DDX56: variants seen among roughly 807,000 people sequenced by gnomAD.
The protein encoded by DDX56 is DEAD-box helicase 56, also known as probable ATP-dependent RNA helicase DDX56.
A neutral mutation model predicts 61.5 loss-of-function variants in DDX56; 45 were observed. That is an observed-to-expected ratio of 0.73 (90% confidence interval 0.58 to 0.94). The LOEUF is 0.94. Ranked by LOEUF, DDX56 falls within the 40% of genes least tolerant of loss-of-function variation. DDX56 has a pLI of 0.00. For missense variants in DDX56, 708 were observed against 690.7 expected, an observed-to-expected ratio of 1.02 and a Z score of -0.28; for synonymous variants, 273 against 268.3, an observed-to-expected ratio of 1.02 and a Z score of -0.17.
rs1329667439 is a variant in DDX56, at chr7:44,568,962, T to A, written c.1324A>T (p.Ile442Phe). Residue 442 changes from isoleucine to phenylalanine, a missense_variant, in exon 11 of 14, where the codon ATT becomes TTT. By Grantham distance (21) the Ile-to-Phe change is conservative. Transcript: ENST00000258772. The stretch of plus-strand genomic sequence containing the variant: ...ATCTCCTTCAATCTTGCCTCCCGAA[T>A]GGCCTGCTTAGTCACTGAGCGCATG... ...DAMRSVTKQA[I>F]REARLKEIKE... The A allele has an allele frequency of 6.8e-6, 11 of 1,614,170 alleles. No individual in the cohort carries two copies. The highest frequency in any genetic ancestry group is 1.3e-5 in the African/African-American group (1 of 75,060).
intron 12 of DDX56, among the ~76,000 whole-genome samples, 155 bp from the exon 13 acceptor site, chr7:44,566,679 G>GT (rs1334550232): frequency 6.6e-6 from 1 of 152,154 alleles, no homozygotes; most frequent in Non-Finnish European, 1.5e-5. Flanking sequence ...CCAGGAGAAT[G>GT]TGAGCACCTT....
chr7:44,572,262 A>T, intron 5 of DDX56, 85 bp downstream of exon 5: 1 of 1,196,602 alleles, frequency 8.4e-7, no homozygotes, highest in Non-Finnish European at 1.2e-6. Context: ...CACCCAAAAC[A>T]CCAAAGAATC....
intron 12 of DDX56, among the ~76,000 whole-genome samples, chr7:44,567,521 A>G (rs1351455669): frequency 6.6e-6 from 1 of 152,246 alleles, no homozygotes; most frequent in Non-Finnish European, 1.5e-5. Context: ...AGAGGTGCCC[A>G]GTATTAATGG....
At chr7:44,570,226 A>C in intron 7 of DDX56, 98 bp from the exon 8 acceptor site, 11 of 1,452,510 alleles carry the variant, frequency 7.6e-6, no homozygotes, top group Non-Finnish European at 1.0e-5. Flanking sequence ...CCTGTAGATC[A>C]TAAGACCCTG....
chr7:44,566,382 C>T, intron 13 of DDX56, 66 bp downstream of exon 13: 1 of 1,386,226 alleles, frequency 7.2e-7, no homozygotes, highest in Non-Finnish European at 1.0e-6. Context: ...CCTCCACATT[C>T]TGGTGATGAC....
At chr7:44,569,233 C>A (rs774370757) in intron 9 of DDX56, 30 bp from the exon 10 acceptor site, 2 of 1,602,380 alleles carry the variant, frequency 1.2e-6, no homozygotes, top group Non-Finnish European at 1.7e-6. Context: ...GAGGGTCCCA[C>A]AGGCTGAGGC....
In DDX56 at chr7:44,572,575, A is replaced by G. The variant is rs768738672; in HGVS notation, c.553T>C (p.Cys185Arg). The G allele has an allele frequency of 3.7e-6, 6 of 1,614,072 alleles. No homozygotes were observed. In the East Asian group the frequency reaches 1.3e-4, roughly 36 times the overall value. The change falls in exon 4 of 14, where the codon TGT becomes CGT. Residue 185 changes from cysteine (C) to arginine (R), a missense_variant and splice_region_variant. Physicochemically the swap from Cys to Arg is radical, Grantham distance 180. Coordinates refer to ENST00000258772, the MANE Select transcript of DDX56 (RefSeq NM_019082.4). ...GFEEELKSLL[C>R]HLPRIYQAFL... ...GAATCACACCCACCTCTGCCTTACC[A>G]GAGGAGACTCTTGAGCTCTTCTTCA...
At chr7:44,568,286 G>C (rs1802591684) in intron 11 of DDX56, 63 bp from the exon 12 acceptor site, 2 of 1,204,356 alleles carry the variant, frequency 1.7e-6, no homozygotes, top group African/African-American at 1.5e-5. Flanking sequence ...CACAGACCTA[G>C]CTTTTCAAAG....
chr7:44,569,287 TG>T, intron 9 of DDX56, 84 bp from the exon 10 acceptor site: 1 of 1,322,232 alleles, frequency 7.6e-7, no homozygotes. Flanking sequence ...ACCTCCCCCT[TG>T]GGGGAAAGCA....
At chr7:44,569,391 G>C (rs1802618224) in intron 9 of DDX56, among the ~76,000 whole-genome samples, 188 bp from the exon 10 acceptor site, 1 of 152,198 alleles carries the variant, frequency 6.6e-6, no homozygotes, top group Non-Finnish European at 1.5e-5. Context: ...CCCGTGTGTG[G>C]ATGGGGGTGG....
chr7:44,567,798 A>G, intron 12 of DDX56: 2 of 420,978 alleles, frequency 4.8e-6, no homozygotes, highest in East Asian at 1.1e-4. Flanking sequence ...AAACCTGTTC[A>G]CTCCCTTCGA....
intron 9 of DDX56, 72 bp downstream of exon 9, chr7:44,569,737 T>C: frequency 2.3e-6 from 3 of 1,323,060 alleles, no homozygotes; most frequent in Non-Finnish European, 2.1e-6. Context: ...TCTGTCATCA[T>C]TATCATGGAG....
intron 9 of DDX56, 39 bp downstream of exon 9, chr7:44,569,770 C>T (rs1802625813): frequency 3.2e-6 from 5 of 1,542,008 alleles, no homozygotes; most frequent in Non-Finnish European, 4.4e-6. Context: ...GTGGAAGAAG[C>T]CTGACCCTGG....
intron 9 of DDX56, 62 bp from the exon 10 acceptor site, chr7:44,569,265 G>A: frequency 6.7e-7 from 1 of 1,497,852 alleles, no homozygotes; most frequent in Non-Finnish European, 9.2e-7. Flanking sequence ...GTCTTCATTG[G>A]AGGCCTCCTG....
chr7:44,565,949 G>T lies in DDX56; in HGVS notation c.*53C>A. 7.2e-7 allele frequency: 1 copy of T among 1,389,118 alleles called. No individual in the cohort carries two copies. Among genetic ancestry groups the T allele is most frequent in the Non-Finnish European group, 1.0e-6 (1 of 982,912 alleles). The allele number at this position is 1,389,118 out of a possible 1,614,324, so 86.0% of individuals were successfully genotyped here. A position where few individuals can be genotyped will look rare whatever the true frequency, so the allele number is the denominator to read the frequency against. ...CACCAGAGCCTCGCCTGTCCACGAA[G>T]GGTGTAAGCCTGTGCTCCACAATGT... On this transcript the variant is annotated 3_prime_UTR_variant, in exon 14 of 14. Transcript: ENST00000258772.
chr7:44,568,225 T>C lies in DDX56; in HGVS notation c.1384-2A>G. On this transcript the variant is annotated splice_acceptor_variant, in intron 11 of 13. Transcript: ENST00000258772. LOFTEE classifies it high-confidence loss of function. Reference sequence around the variant, plus strand: ...CCTAGGGTTGTCTTCAAAGTATGTCTGCCGGGGGAAGAGGGAGAGCCACAG... The same window carrying C: ...CCTAGGGTTGTCTTCAAAGTATGTCCGCCGGGGGAAGAGGGAGAGCCACAG... 1.2e-6 allele frequency: 2 copies of C among 1,604,438 alleles called. No homozygotes were observed. Among genetic ancestry groups the C allele is most frequent in the Non-Finnish European group, 1.7e-6 (2 of 1,173,110 alleles).
chr7:44,569,657 GA>G (rs1802623699), intron 9 of DDX56, 151 bp downstream of exon 9: 4 of 692,226 alleles, frequency 5.8e-6, no homozygotes, highest in Non-Finnish European at 9.9e-6. Flanking sequence ...TCTCAAGGGG[GA>G]CAGTGCCTGC....
rs1453725907 is a variant in DDX56 at position 44,569,120 on chromosome 7, A to G, written c.1293+10T>C. ...CCCCTCTCATTCCCCTCCCCACCAC[A>G]GCAGCTCACCCTGCAGCGATAGCGG... On this transcript the variant is annotated intron_variant, in intron 10 of 13. Coordinates refer to ENST00000258772, the MANE Select transcript of DDX56 (RefSeq NM_019082.4). The G allele has an allele frequency of 1.1e-5, 18 of 1,613,924 alleles. No individual in the cohort carries two copies. The highest frequency in any genetic ancestry group is 1.5e-5 in the Non-Finnish European group (18 of 1,179,904).
chr7:44,568,875 A>C, intron 11 of DDX56, 28 bp downstream of exon 11: 805 of 1,411,566 alleles, frequency 5.7e-4, no homozygotes, highest in Non-Finnish European at 7.4e-4. Flanking sequence ...TCTAAGATCT[A>C]TCCCCTTCTC....
Sources: allele counts gnomAD v4.1 joint callset (sites outside exome capture counted in the v4.1 genomes callset), GRCh38; gene constraint gnomAD v4.1.1; transcripts MANE v1.5; gene names NCBI Gene and HGNC (gene_info 2026-07-23, HGNC 2026-07-21).